EHBP1: variants seen among roughly 807,000 people sequenced by gnomAD.
EHBP1 encodes the protein EH domain binding protein 1, also known as EH domain-binding protein 1.
In EHBP1, 55 loss-of-function variants were observed where a neutral mutation model predicts 144.0. The ratio of observed to expected loss-of-function variants is 0.38; its 90% confidence interval spans 0.31 to 0.48. The LOEUF is 0.48. EHBP1 is among the 20% of genes least tolerant of loss of function. The pLI, the probability that EHBP1 is intolerant of heterozygous loss-of-function variation, is 0.98. For missense variants in EHBP1, 1,200 were observed against 1,364.2 expected, an observed-to-expected ratio of 0.88 and a Z score of 1.90; for synonymous variants, 469 against 472.7, an observed-to-expected ratio of 0.99 and a Z score of 0.10.
In EHBP1 at chr2:62,948,726, G is replaced by A. The variant is rs1381775191; in HGVS notation, c.1880G>A (p.Arg627Lys). ...CAGAAGTCTCAGCAGAGCTCTGGAAGGACTTCAGGATCTGATGACCCTGGA... is the reference window on the plus strand; with the variant it reads ...CAGAAGTCTCAGCAGAGCTCTGGAAAGACTTCAGGATCTGATGACCCTGGA... The part of the protein sequence containing the change: ...EPQKSQQSSG[R>K]TSGSDDPGIC... Residue 627 changes from arginine to lysine, a missense_variant, in exon 13 of 23, where the codon AGG (arginine) becomes AAG (lysine). Physicochemically the swap from Arg to Lys is conservative, Grantham distance 26. Coordinates refer to ENST00000431489, the MANE Select transcript of EHBP1 (RefSeq NM_001142616.3). 83 of 1,613,946 alleles carry A rather than the reference G, an allele frequency of 5.1e-5. No homozygotes were observed. The highest frequency in any genetic ancestry group is 6.9e-5 in the Non-Finnish European group (81 of 1,180,000).
chr2:62,882,139 A>C (rs1458369930), intron 10 of EHBP1, among the ~76,000 whole-genome samples: 1 of 152,254 alleles, frequency 6.6e-6, no homozygotes, highest in Non-Finnish European at 1.5e-5. Context: ...GACTTCTGAA[A>C]TAGTTCATTT....
intron 5 of EHBP1, among the ~76,000 whole-genome samples, chr2:62,773,075 A>G (rs1178748142): frequency 6.6e-6 from 1 of 152,214 alleles, no homozygotes; most frequent in Non-Finnish European, 1.5e-5. Context: ...GAATACACTA[A>G]TTTATATACT....
chr2:62,973,208 A>G (rs1162725283), intron 14 of EHBP1, among the ~76,000 whole-genome samples: 2 of 152,142 alleles, frequency 1.3e-5, no homozygotes, highest in Non-Finnish European at 2.9e-5. Context: ...AGAATCATTT[A>G]TTTCATCTTA....
intron 9 of EHBP1, among the ~76,000 whole-genome samples, chr2:62,867,546 A>C (rs2050138161): frequency 6.6e-6 from 1 of 152,194 alleles, no homozygotes; most frequent in Admixed American, 6.5e-5. Context: ...TATATACCGA[A>C]AACAACAGAA....
intron 5 of EHBP1, among the ~76,000 whole-genome samples, chr2:62,815,195 A>G (rs1318732116): frequency 1.3e-5 from 2 of 152,214 alleles, no homozygotes; most frequent in Non-Finnish European, 2.9e-5. Context: ...TGGAAGGTCT[A>G]ATAAGACCCC....
intron 2 of EHBP1, among the ~76,000 whole-genome samples, chr2:62,736,224 C>CTTTTTTTTT (rs70962793): frequency 9.8e-6 from 1 of 102,248 alleles, no homozygotes; most frequent in Non-Finnish European, 2.1e-5. Flanking sequence ...TTCTCTTTGC[C>CTTTTTTTTT]TTTTTTTTTT....
rs369805219 is a variant in EHBP1 at position 62,782,297 on chromosome 2, A to G, written c.312+10905A>G. On this transcript the variant is annotated intron_variant, in intron 5 of 22. Coordinates refer to ENST00000431489, the MANE Select transcript of EHBP1 (RefSeq NM_001142616.3). ...ATGATAGCTGAAAAGTACAATAGAG[A>G]TTAGAGATAGACCAGTTAATATGGA... Among the ~76,000 whole-genome samples, 13 of 152,358 alleles carry G rather than the reference A, an allele frequency of 8.5e-5. No homozygotes were observed. The East Asian group carries it at 2.5e-3, about 29-fold the overall frequency.
At chr2:62,881,418 G>GAAAAAAAAA (rs371288881) in intron 10 of EHBP1, among the ~76,000 whole-genome samples, 8 of 69,728 alleles carry the variant, frequency 1.1e-4, no homozygotes, top group Non-Finnish European at 2.2e-4. Context: ...AGGAAAAACG[G>GAAAAAAAAA]AAAAAAAAAA....
At chr2:62,918,631 A>T (rs540063817) in intron 10 of EHBP1, among the ~76,000 whole-genome samples, 1 of 152,276 alleles carries the variant, frequency 6.6e-6, no homozygotes, top group Non-Finnish European at 1.5e-5. Flanking sequence ...AGGGTCTTGA[A>T]TTTAAACTTA....
At chr2:62,952,880 C>G (rs566686878) in intron 13 of EHBP1, among the ~76,000 whole-genome samples, 2 of 152,246 alleles carry the variant, frequency 1.3e-5, no homozygotes, top group Non-Finnish European at 2.9e-5. Context: ...ATCTTTATCT[C>G]ATTACATCCT....
intron 10 of EHBP1, among the ~76,000 whole-genome samples, chr2:62,875,441 A>T (rs1558837315): frequency 6.6e-6 from 1 of 152,210 alleles, no homozygotes; most frequent in African/African-American, 2.4e-5. Context: ...AACTTATACC[A>T]TAGTCAAACC....
At chr2:62,737,874 C>T (rs540688198) in intron 2 of EHBP1, among the ~76,000 whole-genome samples, 42 of 152,180 alleles carry the variant, frequency 2.8e-4, no homozygotes, top group African/African-American at 8.4e-4. Context: ...AATGATTCTT[C>T]CCTCTTAGCC....
At chr2:63,040,038 C>T (rs1363178464) in intron 21 of EHBP1, among the ~76,000 whole-genome samples, 1 of 151,810 alleles carries the variant, frequency 6.6e-6, no homozygotes, top group Non-Finnish European at 1.5e-5. Flanking sequence ...CACAACTATA[C>T]TAAATGGTAT....
At chr2:62,711,788 A>G (rs936681021) in intron 2 of EHBP1, among the ~76,000 whole-genome samples, 2 of 152,104 alleles carry the variant, frequency 1.3e-5, no homozygotes, top group Admixed American at 1.3e-4. Context: ...TTAAGGGAGT[A>G]TTTGGCTGTG....
chr2:62,729,569 TAATA>T (rs1349662969), intron 2 of EHBP1, among the ~76,000 whole-genome samples: 4 of 124,238 alleles, frequency 3.2e-5, no homozygotes, highest in Non-Finnish European at 6.4e-5. Flanking sequence ...TAATATAATA[TAATA>T]AATAAATATA....
At chr2:62,912,039 A>G (rs944930264) in intron 10 of EHBP1, among the ~76,000 whole-genome samples, 1 of 152,178 alleles carries the variant, frequency 6.6e-6, no homozygotes, top group African/African-American at 2.4e-5. Flanking sequence ...ATTCTTTAAT[A>G]GTATACTTGT....
intron 7 of EHBP1, among the ~76,000 whole-genome samples, chr2:62,844,656 G>T (rs114814473): frequency 0.011 from 1,717 of 152,190 alleles, 33 homozygotes; most frequent in African/African-American, 0.04. Flanking sequence ...GAAAAATAAA[G>T]ACCCCTGTAT....
chr2:63,023,771 G>C (rs2060857506), intron 19 of EHBP1, among the ~76,000 whole-genome samples: 1 of 152,174 alleles, frequency 6.6e-6, no homozygotes, highest in Non-Finnish European at 1.5e-5. Context: ...GGCTATATCT[G>C]TTGTGCTTTT....
chr2:62,752,413 T>G (rs1409149855), intron 3 of EHBP1, among the ~76,000 whole-genome samples: 2 of 152,184 alleles, frequency 1.3e-5, no homozygotes, highest in African/African-American at 4.8e-5. Context: ...GTGGTTAATT[T>G]TGGAGTAAGT....
Sources: gnomAD v4.1 joint callset for allele counts (sites outside exome capture counted in the v4.1 genomes callset) on GRCh38, gnomAD v4.1.1 for gene constraint, MANE v1.5 for transcripts, NCBI Gene and HGNC (gene_info 2026-07-23, HGNC 2026-07-21) for gene names.